Variants in SANBR observed in about 807,000 individuals in gnomAD.
SANBR encodes SANT and BTB domain regulator of CSR, also known as SANT and BTB domain regulator of class switch recombination.
SANBR carries 77 observed loss-of-function variants against 101.8 expected under a neutral mutation model. The ratio of observed to expected loss-of-function variants is 0.76; its 90% CI spans 0.63 to 0.91. SANBR has a LOEUF of 0.91. Among genes scored for constraint, SANBR ranks in the 40% least tolerant of loss-of-function variants. The probability of loss-of-function intolerance (pLI) is 0.00; values close to 1 mark genes in which losing one functional copy is unlikely to be tolerated. For synonymous variants in SANBR, 279 were observed against 274.7 expected, an observed-to-expected ratio of 1.02 and a Z score of -0.15; for missense variants, 875 against 853.0, an observed-to-expected ratio of 1.03 and a Z score of -0.32.
At position 61,082,852 on chromosome 2, in the gene SANBR, C is replaced by T. The variant is rs184494851; in HGVS notation, c.730-302C>T. Among the ~76,000 whole-genome samples the T allele has an allele frequency of 3.1e-4, 47 of 152,058 alleles. No homozygotes were observed. In the East Asian group the frequency reaches 3.9e-3, roughly 12 times the overall value. ...AAAAGAAGTTTACATGTTCTGTATA[C>T]TTGAGTTTATAGACTAAGATTTATA... On this transcript the variant is annotated intron_variant, in intron 7 of 21. Coordinates refer to ENST00000402291, the MANE Select transcript of SANBR (RefSeq NM_001129993.3).
At chr2:61,072,821 C>CT (rs70959893) in intron 4 of SANBR, among the ~76,000 whole-genome samples, 424 of 31,630 alleles carry the variant, frequency 0.013, 66 homozygotes, top group African/African-American at 0.045. Flanking sequence ...TCTCATGTTA[C>CT]TTTTTTTTTT....
At chr2:61,098,426 G>A (rs1683137593) in intron 12 of SANBR, among the ~76,000 whole-genome samples, 1 of 151,972 alleles carries the variant, frequency 6.6e-6, no homozygotes, top group African/African-American at 2.4e-5. Flanking sequence ...TTTTATATTG[G>A]AAACAAGATC....
Position 61,077,150 on chromosome 2 carries a change from C to A in SANBR, c.662C>A (p.Pro221His). Reference sequence around the variant, plus strand: ...AAGGAGAATAAAGATTGTGAGATGCCCACTTTAGGTAAAAAACAATCTGTT... The same window carrying A: ...AAGGAGAATAAAGATTGTGAGATGCACACTTTAGGTAAAAAACAATCTGTT... ...NTKENKDCEM[P>H]TLEPGNVISI... The change falls in exon 6 of 22, where the codon CCC (proline) becomes CAC (histidine). Residue 221 changes from proline to histidine, a missense_variant. Physicochemically the swap from Pro to His is moderately conservative, Grantham distance 77. Coordinates refer to ENST00000402291, the MANE Select transcript of SANBR (RefSeq NM_001129993.3). 2 of 1,590,096 alleles carry A rather than the reference C, an allele frequency of 1.3e-6. No homozygotes were observed. The highest frequency in any genetic ancestry group is 1.3e-5 in the African/African-American group (1 of 74,400).
chr2:61,129,270 C>A (rs1422785136), downstream of SANBR, among the ~76,000 whole-genome samples: 1 of 151,850 alleles, frequency 6.6e-6, no homozygotes, highest in Non-Finnish European at 1.5e-5. Flanking sequence ...GTGGTGAAAC[C>A]CCATCTCTAC....
chr2:61,137,865 A>G (rs1041853214), exon 22 of SANBR: 5 of 152,220 alleles, frequency 3.3e-5, no homozygotes, highest in Non-Finnish European at 7.3e-5. Context: ...ACAGCATAAT[A>G]TGCTATGTTT....
At chr2:61,102,807 T>TGATTACA (rs1441996707) in intron 12 of SANBR, among the ~76,000 whole-genome samples, 3 of 151,866 alleles carry the variant, frequency 2.0e-5, no homozygotes, top group Non-Finnish European at 4.4e-5. Flanking sequence ...CAGAGTGCTG[T>TGATTACA]GATTACAGGC....
chr2:61,129,666 A>G (rs547381069), intron 20 of SANBR, among the ~76,000 whole-genome samples: 4 of 152,264 alleles, frequency 2.6e-5, no homozygotes, highest in Non-Finnish European at 4.4e-5. Flanking sequence ...GCAAAGCTAT[A>G]TTGGACTAAG....
chr2:61,117,539 C>G lies in SANBR; in HGVS notation c.1938C>G (p.Asp646Glu). ...LRFNQDAQRE[D>E]DQRRMTEITG... is the part of the protein sequence containing the mutation. ...TCAACCAGGATGCACAAAGAGAAGA[C>G]GGTAAATTTTATTATTTGGGTAATG... The change falls in exon 19 of 22, where the codon GAC (aspartate) becomes GAG (glutamate). Residue 646 changes from aspartate to glutamate, a missense_variant and splice_region_variant. By Grantham distance (45) the Asp-to-Glu change is conservative. Transcript: ENST00000402291. 4.3e-6 allele frequency: 7 copies of G among 1,610,844 alleles called. No individual in the cohort carries two copies. Among genetic ancestry groups the G allele is most frequent in the Non-Finnish European group, 5.9e-6 (7 of 1,177,376 alleles).
chr2:61,098,560 TCTC>T (rs1160639135), intron 12 of SANBR, among the ~76,000 whole-genome samples: 31 of 152,216 alleles, frequency 2.0e-4, no homozygotes, highest in African/African-American at 6.8e-4. Flanking sequence ...ATTTAACCAT[TCTC>T]CTATTAATGA....
chr2:61,068,397 G>T (rs1472011014), intron 1 of SANBR, among the ~76,000 whole-genome samples: 1 of 152,146 alleles, frequency 6.6e-6, no homozygotes, highest in African/African-American at 2.4e-5. Flanking sequence ...GGAAATTTTT[G>T]TGCCAATAAT....
rs1683704213 is a variant in SANBR, at chr2:61,109,179, G to T, written c.1645-18G>T. The T allele has an allele frequency of 1.6e-6, 2 of 1,233,268 alleles. No homozygotes were observed. The highest frequency in any genetic ancestry group is 1.7e-5 in the South Asian group (1 of 57,720). The allele number at this position is 1,233,268 out of a possible 1,614,324, so 76.4% of individuals were successfully genotyped here. A position where few individuals can be genotyped will look rare whatever the true frequency, so the allele number is the denominator to read the frequency against. On this transcript the variant is annotated intron_variant, in intron 15 of 21. Transcript: ENST00000402291. The stretch of plus-strand genomic sequence containing the variant: ...AAATCATAATATTACATTTATAATA[G>T]ATTTTTTTTTAACTTAGAAACAACA...
chr2:61,106,489 TA>T (rs1319606380), intron 13 of SANBR, 73 bp from the exon 14 acceptor site: 3 of 1,002,108 alleles, frequency 3.0e-6, no homozygotes, highest in Non-Finnish European at 4.6e-6. Context: ...GAAACATTTG[TA>T]ATAAAAAGAT....
chr2:61,101,020 A>G (rs986165893), intron 12 of SANBR, among the ~76,000 whole-genome samples: 1 of 152,158 alleles, frequency 6.6e-6, no homozygotes, highest in African/African-American at 2.4e-5. Context: ...TTACTGAATG[A>G]TGGGTCATGG....
chr2:61,122,352 C>A lies in SANBR; in HGVS notation c.*190C>A. ...TGAAAATCTAATTGTAAATATGAAACTTTTTAAATCTGATTTTCTTCTAAT... is the reference window on the plus strand; with the variant it reads ...TGAAAATCTAATTGTAAATATGAAAATTTTTAAATCTGATTTTCTTCTAAT... On this transcript the variant is annotated 3_prime_UTR_variant, in exon 22 of 22. Coordinates refer to ENST00000402291, the MANE Select transcript of SANBR (RefSeq NM_001129993.3). The A allele has an allele frequency of 2.4e-6, 3 of 1,246,408 alleles. No individual in the cohort carries two copies. The highest frequency in any genetic ancestry group is 3.1e-6 in the Non-Finnish European group (3 of 974,858). The allele number at this position is 1,246,408 out of a possible 1,614,324, so 77.2% of individuals were successfully genotyped here.
At chr2:61,120,845 A>G (rs1684301136) in intron 20 of SANBR, among the ~76,000 whole-genome samples, 1 of 152,230 alleles carries the variant, frequency 6.6e-6, no homozygotes, top group Admixed American at 6.5e-5. Flanking sequence ...GTTCTGGAAA[A>G]TGCAAAACTA....
chr2:61,116,025 G>A lies in SANBR; in HGVS notation c.1791G>A (p.Gln597=). 1.2e-6 allele frequency: 2 copies of A among 1,612,536 alleles called. No homozygotes were observed. The highest frequency in any genetic ancestry group is 1.7e-6 in the Non-Finnish European group (2 of 1,179,500). ...PKKFTRQPKK[Q]VSSPCAQRKE... is the part of the protein sequence containing the mutation. ...AGTTCACTAGACAACCAAAAAAGCA[G>A]GTATCTTCACCCTGTGCCCAGAGGA... Residue 597 remains glutamine, a synonymous_variant, in exon 17 of 22, where the codon CAG becomes CAA. Coordinates refer to ENST00000402291, the MANE Select transcript of SANBR (RefSeq NM_001129993.3).
intron 12 of SANBR, among the ~76,000 whole-genome samples, chr2:61,102,249 G>C (rs958059217): frequency 1.3e-5 from 2 of 151,304 alleles, no homozygotes; most frequent in East Asian, 2.0e-4. Flanking sequence ...GGTGGTGTGC[G>C]CCTGTAGTCC....
chr2:61,103,744 T>C (rs1683403932), intron 12 of SANBR, 109 bp from the exon 13 acceptor site: 2 of 994,626 alleles, frequency 2.0e-6, no homozygotes, highest in African/African-American at 1.6e-5. Context: ...GAAAAAGTTA[T>C]AAAATATGTA....
At chr2:61,097,957 G>A (rs941571649) in intron 12 of SANBR, 105 bp downstream of exon 12, 49 of 898,668 alleles carry the variant, frequency 5.5e-5, no homozygotes, top group East Asian at 2.1e-4. Flanking sequence ...GTAAGAAGCC[G>A]TTCCTCTTTA....
Sources: allele counts gnomAD v4.1 joint callset (sites outside exome capture counted in the v4.1 genomes callset), GRCh38; gene constraint gnomAD v4.1.1; transcripts MANE v1.5; gene names NCBI Gene and HGNC (gene_info 2026-07-23, HGNC 2026-07-21).